TENM2: variants seen among roughly 807,000 people sequenced by gnomAD.
The protein encoded by TENM2 is teneurin-2.
A neutral mutation model predicts 245.2 loss-of-function variants in TENM2; 52 were observed. That is an observed-to-expected ratio of 0.21 (90% CI 0.17 to 0.27). The LOEUF is 0.27. Among genes scored for constraint, TENM2 ranks in the 10% least tolerant of loss-of-function variants. The pLI, the probability that TENM2 is intolerant of heterozygous loss-of-function variation, is 1.00. For synonymous variants in TENM2, 1,363 were observed against 1,438.9 expected, an observed-to-expected ratio of 0.95 and a Z score of 1.19; for missense variants, 3,046 against 3,666.8, an observed-to-expected ratio of 0.83 and a Z score of 4.37.
chr5:167,208,399 A>C, the TENM2 span, among the ~76,000 whole-genome samples: 2 of 152,242 alleles, frequency 1.3e-5, no homozygotes, highest in Non-Finnish European at 2.9e-5. Context: ...GAGGTTCCAC[A>C]TCCTAAGGAG....
chr5:167,811,493 T>C lies in TENM2; in HGVS notation c.503-64493T>C, dbSNP rs113662044. On this transcript the variant is annotated intron_variant, in intron 2 of 28. Transcript: ENST00000518659. ...TCCCCAGAAGCCAAGCAGAGGCAGG[T>C]GCCACGCTTCTTGTACAGCCTGCAG... Among the ~76,000 whole-genome samples, 1,075 of 152,196 alleles carry C rather than the reference T, an allele frequency of 7.1e-3. 14 individuals carry two copies. Among genetic ancestry groups the C allele is most frequent in the African/African-American group, 0.025 (1,028 of 41,546 alleles).
intron 2 of TENM2, among the ~76,000 whole-genome samples, chr5:167,526,579 T>C (rs1037466740): frequency 6.6e-6 from 1 of 152,076 alleles, no homozygotes; most frequent in African/African-American, 2.4e-5. Flanking sequence ...TTGTTTACGC[T>C]TTGTGATTAC....
chr5:168,173,850 G>A (rs1046724372), intron 13 of TENM2, among the ~76,000 whole-genome samples: 2 of 152,196 alleles, frequency 1.3e-5, no homozygotes, highest in Non-Finnish European at 1.5e-5. Context: ...AATAGGTACA[G>A]CTTGAATCTT....
At chr5:167,556,170 T>C (rs1466830069) in intron 2 of TENM2, among the ~76,000 whole-genome samples, 4 of 152,180 alleles carry the variant, frequency 2.6e-5, no homozygotes, top group African/African-American at 9.7e-5. Context: ...AAAATTAGAT[T>C]TTAATGGAAT....
chr5:167,683,249 C>CTTTTT lies in TENM2; in HGVS notation c.503-192730_503-192726dup, dbSNP rs1554100261. Among the ~76,000 whole-genome samples, 11 of 67,358 alleles carry CTTTTT rather than the reference C, an allele frequency of 1.6e-4. 1 individual carries two copies. The highest frequency in any genetic ancestry group is 4.1e-4 in the African/African-American group (3 of 7,262). The allele number at this position is 67,358 out of a possible 152,430, so 44.2% of individuals were successfully genotyped here. On this transcript the variant is annotated intron_variant, in intron 2 of 28. Transcript: ENST00000518659. Reference sequence around the variant, plus strand: ...ATCTCTGTGACATGAAGGACCATGTCTTTTTTTTTTTCCCCCCCTGGGCAT... The same window carrying CTTTTT: ...ATCTCTGTGACATGAAGGACCATGTCTTTTTTTTTTTTTTTTCCCCCCCTGGGCAT...
intron 1 of TENM2, among the ~76,000 whole-genome samples, chr5:167,320,105 TTATGA>T (rs1301197511): frequency 2.0e-5 from 3 of 152,216 alleles, no homozygotes; most frequent in Admixed American, 1.3e-4. Context: ...TAGTCCCACT[TTATGA>T]TATGATGAAA....
At chr5:167,041,152 A>G in the TENM2 span, among the ~76,000 whole-genome samples, 1 of 152,198 alleles carries the variant, frequency 6.6e-6, no homozygotes, top group Admixed American at 6.5e-5. Flanking sequence ...TCAAGTTGTG[A>G]CATACAGTGT....
chr5:167,446,435 G>A lies in TENM2; in HGVS notation c.502+70962G>A, dbSNP rs192264506. Among the ~76,000 whole-genome samples, 196 of 152,234 alleles carry A rather than the reference G, an allele frequency of 1.3e-3. 1 individual carries two copies. Among genetic ancestry groups the A allele is most frequent in the African/African-American group, 4.6e-3 (190 of 41,540 alleles). ...ATTGATTAAATCACTCCTTCATCTA[G>A]TTTGGAAAGTTTATCATCTAAAGCT... On this transcript the variant is annotated intron_variant, in intron 2 of 28. Coordinates refer to ENST00000518659, the Ensembl canonical transcript of TENM2.
intron 2 of TENM2, among the ~76,000 whole-genome samples, chr5:167,578,498 C>T (rs1196548186): frequency 1.3e-5 from 2 of 152,152 alleles, no homozygotes; most frequent in African/African-American, 2.4e-5. Context: ...TGTGTATATG[C>T]ATTTGTTTTC....
At chr5:168,006,299 C>T (rs967807017) in intron 5 of TENM2, among the ~76,000 whole-genome samples, 1 of 152,186 alleles carries the variant, frequency 6.6e-6, no homozygotes, top group Non-Finnish European at 1.5e-5. Context: ...GAAGACTTAA[C>T]ATCGCTACCC....
intron 2 of TENM2, among the ~76,000 whole-genome samples, chr5:167,684,943 T>C (rs902670091): frequency 6.6e-6 from 1 of 152,176 alleles, no homozygotes; most frequent in Non-Finnish European, 1.5e-5. Flanking sequence ...AAAAGCTAAA[T>C]TGGAACTCAC....
chr5:167,157,470 C>T, the TENM2 span, among the ~76,000 whole-genome samples: 1 of 152,152 alleles, frequency 6.6e-6, no homozygotes, highest in African/African-American at 2.4e-5. Context: ...AATTTGTGCT[C>T]CAATAACCAA....
chr5:167,048,400 G>A, the TENM2 span, among the ~76,000 whole-genome samples: 12 of 152,292 alleles, frequency 7.9e-5, no homozygotes, highest in African/African-American at 2.6e-4. Flanking sequence ...AAGGGTTTTA[G>A]TTATAAGGTT....
intron 2 of TENM2, among the ~76,000 whole-genome samples, chr5:167,860,903 T>A (rs1771728987): frequency 8.5e-6 from 1 of 117,646 alleles, no homozygotes; most frequent in Non-Finnish European, 1.7e-5. Flanking sequence ...ACACAAACAC[T>A]GCGGAAGGCC....
chr5:167,587,693 A>G (rs1202097212), intron 2 of TENM2, among the ~76,000 whole-genome samples: 2 of 152,204 alleles, frequency 1.3e-5, no homozygotes, highest in African/African-American at 4.8e-5. Context: ...TTCATGTCTG[A>G]TTATGTATCC....
chr5:167,986,724 C>T (rs947499497), intron 4 of TENM2, among the ~76,000 whole-genome samples: 2 of 152,110 alleles, frequency 1.3e-5, no homozygotes, highest in Admixed American at 6.5e-5. Context: ...CTTCCATGAC[C>T]GACCGCTGGG....
At position 167,473,875 on chromosome 5, in the gene TENM2, A is replaced by G. The variant is rs537718104; in HGVS notation, c.502+98402A>G. 5.4e-4 allele frequency among the ~76,000 whole-genome samples: 82 copies of G among 152,316 alleles called. 2 individuals carry two copies. In the South Asian group the frequency reaches 0.017, roughly 31 times the overall value. On this transcript the variant is annotated intron_variant, in intron 2 of 28. Coordinates refer to ENST00000518659, the Ensembl canonical transcript of TENM2. ...GGACTGGAGCAGTACCTGTACCATT[A>G]GATACTCAATGAGCATCATCAACTC...
chr5:167,396,366 C>G (rs748195830), intron 2 of TENM2, among the ~76,000 whole-genome samples: 1 of 152,072 alleles, frequency 6.6e-6, no homozygotes, highest in Non-Finnish European at 1.5e-5. Flanking sequence ...CTCAGAAGAA[C>G]ATATACAGCA....
the TENM2 span, among the ~76,000 whole-genome samples, chr5:167,040,843 G>C: frequency 0.62 from 94,495 of 152,004 alleles, 31,223 homozygotes; most frequent in African/African-American, 0.86. Context: ...TTTTCTCACA[G>C]CAGAGCCAAC....
Sources: allele counts gnomAD v4.1 joint callset (sites outside exome capture counted in the v4.1 genomes callset), GRCh38; gene constraint gnomAD v4.1.1; transcripts MANE v1.5; gene names NCBI Gene and HGNC (gene_info 2026-07-23, HGNC 2026-07-21).